Variants in RGS6 observed in about 807,000 individuals in gnomAD.
RGS6 encodes regulator of G-protein signaling 6.
In RGS6, 30 loss-of-function variants were observed where a neutral mutation model predicts 78.5. The observed-to-expected ratio is 0.38, with a 90% CI of 0.29 to 0.52. The LOEUF (loss-of-function observed/expected upper bound fraction) is 0.52. RGS6 is among the 20% of genes least tolerant of loss of function. The pLI is 0.85. For synonymous variants in RGS6, 206 were observed against 206.0 expected (o/e 1.00, Z 0.00); for missense variants, 495 against 609.7 (o/e 0.81, Z 1.98).
chr14:72,072,281 A>G (rs1597103319), intron 2 of RGS6, among the ~76,000 whole-genome samples: 5 of 151,200 alleles, frequency 3.3e-5, no homozygotes, highest in Admixed American at 3.3e-4. Context: ...ATGTAGGTCT[A>G]GGAAGCTTGT....
chr14:71,964,153 C>T (rs1283131835), intron 1 of RGS6, among the ~76,000 whole-genome samples: 1 of 152,062 alleles, frequency 6.6e-6, no homozygotes, highest in African/African-American at 2.4e-5. Context: ...AGAAAATGAG[C>T]TTTGGCAAGG....
intron 2 of RGS6, among the ~76,000 whole-genome samples, chr14:72,045,143 T>G (rs2092731918): frequency 6.6e-6 from 1 of 152,202 alleles, no homozygotes; most frequent in Non-Finnish European, 1.5e-5. Flanking sequence ...GAATCCCCTC[T>G]TGTCTATCTA....
chr14:72,076,971 A>ATAT (rs1567157728), intron 2 of RGS6, among the ~76,000 whole-genome samples: 1 of 144,568 alleles, frequency 6.9e-6, no homozygotes, highest in African/African-American at 2.6e-5. Context: ...TATATATATA[A>ATAT]ATGTTATATA....
At chr14:72,293,842 A>G (rs1322148928) in intron 2 of RGS6, among the ~76,000 whole-genome samples, 3 of 152,188 alleles carry the variant, frequency 2.0e-5, no homozygotes, top group Admixed American at 2.0e-4. Flanking sequence ...CTCTGCTCTT[A>G]TAGCACCAAA....
chr14:72,257,023 A>G (rs1036765211), intron 2 of RGS6, among the ~76,000 whole-genome samples: 6 of 152,216 alleles, frequency 3.9e-5, no homozygotes, highest in Admixed American at 1.3e-4. Flanking sequence ...ACGTTTTTAC[A>G]TGAAGATGCT....
At chr14:72,097,701 C>T (rs2153517525) in intron 2 of RGS6, among the ~76,000 whole-genome samples, 1 of 152,308 alleles carries the variant, frequency 6.6e-6, no homozygotes, top group South Asian at 2.1e-4. Context: ...CGGGAAGACT[C>T]CCACTTAGCC....
At chr14:72,464,911 C>G (rs1186214448) in intron 6 of RGS6, among the ~76,000 whole-genome samples, 1 of 152,168 alleles carries the variant, frequency 6.6e-6, no homozygotes, top group Non-Finnish European at 1.5e-5. Context: ...AGCCTCTGCC[C>G]TTAAAGAGAC....
chr14:72,427,464 A>G (rs745401606), intron 3 of RGS6, among the ~76,000 whole-genome samples: 8 of 152,156 alleles, frequency 5.3e-5, no homozygotes, highest in Non-Finnish European at 1.2e-4. Flanking sequence ...AGCCTACCCT[A>G]ACTGATGTTG....
intron 2 of RGS6, among the ~76,000 whole-genome samples, chr14:72,304,357 GCAA>G (rs1388915316): frequency 2.0e-5 from 3 of 152,288 alleles, no homozygotes; most frequent in African/African-American, 7.2e-5. Flanking sequence ...ACCACATAGA[GCAA>G]TCCTTTGCTT....
intron 2 of RGS6, among the ~76,000 whole-genome samples, chr14:71,969,677 A>G (rs2093696640): frequency 6.6e-6 from 1 of 152,240 alleles, no homozygotes; most frequent in South Asian, 2.1e-4. Context: ...AAAAGAATAT[A>G]TTCAGTGTCC....
At chr14:72,065,249 C>T (rs2094086871) in intron 2 of RGS6, among the ~76,000 whole-genome samples, 1 of 152,120 alleles carries the variant, frequency 6.6e-6, no homozygotes, top group Non-Finnish European at 1.5e-5. Flanking sequence ...TTCAGTTTAG[C>T]AGGGGACAGT....
At chr14:72,076,974 G>T (rs1380369204) in intron 2 of RGS6, among the ~76,000 whole-genome samples, 4 of 145,800 alleles carry the variant, frequency 2.7e-5, no homozygotes, top group Admixed American at 1.4e-4. Context: ...ATATATAAAT[G>T]TTATATATAT....
chr14:72,339,575 T>C (rs1433789595), intron 2 of RGS6, among the ~76,000 whole-genome samples: 4 of 152,110 alleles, frequency 2.6e-5, no homozygotes, highest in Non-Finnish European at 5.9e-5. Context: ...TGCTGCCTTC[T>C]ATGTAAAGAG....
At chr14:72,584,125 T>C in the RGS6 span, among the ~76,000 whole-genome samples, 2 of 152,104 alleles carry the variant, frequency 1.3e-5, no homozygotes, top group Non-Finnish European at 2.9e-5. Context: ...AGACAGGAAA[T>C]GTGGGTGTCA....
the RGS6 span, among the ~76,000 whole-genome samples, chr14:72,585,492 G>GCCTCATCCAAGC: frequency 6.6e-6 from 1 of 152,218 alleles, no homozygotes; most frequent in Non-Finnish European, 1.5e-5. Context: ...CTCAACCAAG[G>GCCTCATCCAAGC]CCTCATCCAA....
chr14:72,142,808 A>G (rs2096558040), intron 2 of RGS6, among the ~76,000 whole-genome samples: 1 of 152,190 alleles, frequency 6.6e-6, no homozygotes, highest in Non-Finnish European at 1.5e-5. Flanking sequence ...TGGGAAGTGA[A>G]GGGCAGATGG....
At chr14:72,078,866 A>G (rs535841783) in intron 2 of RGS6, among the ~76,000 whole-genome samples, 1 of 152,012 alleles carries the variant, frequency 6.6e-6, no homozygotes, top group Admixed American at 6.5e-5. Flanking sequence ...TATTTCTTAC[A>G]TCTTCCCTTA....
the RGS6 span, among the ~76,000 whole-genome samples, chr14:71,870,498 T>A: frequency 2.6e-5 from 4 of 151,800 alleles, no homozygotes; most frequent in Non-Finnish European, 4.4e-5. Context: ...GTCTGGGGAG[T>A]CTAAGAATTC....
At chr14:72,545,950 G>A (rs534444183) in intron 17 of RGS6, among the ~76,000 whole-genome samples, 143 of 152,212 alleles carry the variant, frequency 9.4e-4, no homozygotes, top group Admixed American at 2.7e-3. Context: ...GGGCAGAAAG[G>A]TGGACCCCAG....
Sources: allele counts gnomAD v4.1 joint callset (sites outside exome capture counted in the v4.1 genomes callset), GRCh38; gene constraint gnomAD v4.1.1; transcripts MANE v1.5; gene names NCBI Gene and HGNC (gene_info 2026-07-23, HGNC 2026-07-21).